The following CDH12 variants were observed in gnomAD, a reference collection of about 807,000 sequenced individuals.
The protein encoded by CDH12 is cadherin-12.
CDH12 carries 41 observed loss-of-function variants against 74.1 expected under a neutral mutation model. The ratio of observed to expected loss-of-function variants is 0.55; its 90% CI spans 0.43 to 0.72. The LOEUF is 0.72. CDH12 is among the 30% of genes least tolerant of loss of function. CDH12 has a pLI of 0.00. For synonymous variants in CDH12, 399 were observed against 355.0 expected (o/e 1.12, Z -1.39); for missense variants, 945 against 977.2 (o/e 0.97, Z 0.44).
chr5:22,625,665 G>T (rs1212472471), intron 1 of CDH12, among the ~76,000 whole-genome samples: 1 of 152,148 alleles, frequency 6.6e-6, no homozygotes, highest in African/African-American at 2.4e-5. Flanking sequence ...TCCTATCTGA[G>T]TGGCCCCCTG....
rs561606839 is a variant in CDH12, at chr5:22,511,175, G to A, written c.-522-5811C>T. ...CTCCCAAAGTGCTGGGATTAGAGGC[G>A]TGAGCCACCATGGCTGGCCAACATA... On this transcript the variant is annotated intron_variant, in intron 1 of 14. Coordinates refer to ENST00000382254, the MANE Select transcript of CDH12 (RefSeq NM_004061.5). Among the ~76,000 whole-genome samples, 20 of 152,218 alleles carry A rather than the reference G, an allele frequency of 1.3e-4. No individual in the cohort carries two copies. The South Asian group carries it at 2.5e-3, about 19-fold the overall frequency.
At chr5:21,811,708 G>GCTTT (rs1747753618) in intron 9 of CDH12, among the ~76,000 whole-genome samples, 2 of 20,710 alleles carry the variant, frequency 9.7e-5, no homozygotes, top group Admixed American at 7.2e-4. Flanking sequence ...TATAGGACAA[G>GCTTT]CTTTTTTTTT....
At chr5:22,231,246 AT>A (rs1416828228) in intron 3 of CDH12, among the ~76,000 whole-genome samples, 1 of 152,178 alleles carries the variant, frequency 6.6e-6, no homozygotes, top group African/African-American at 2.4e-5. Flanking sequence ...ATTATAACTT[AT>A]AAATTAGACA....
chr5:22,826,088 C>A (rs150212425), intron 1 of CDH12, among the ~76,000 whole-genome samples: 7 of 152,212 alleles, frequency 4.6e-5, no homozygotes, highest in Admixed American at 6.5e-5. Flanking sequence ...GAGTCCCCAC[C>A]CAAATCTTAT....
At chr5:22,818,985 C>A (rs1749532433) in intron 1 of CDH12, among the ~76,000 whole-genome samples, 2 of 152,034 alleles carry the variant, frequency 1.3e-5, no homozygotes, top group African/African-American at 2.4e-5. Context: ...AATTGTTTAT[C>A]ATCTATTTTT....
At chr5:22,067,892 C>T (rs981976861) in intron 5 of CDH12, among the ~76,000 whole-genome samples, 2 of 151,966 alleles carry the variant, frequency 1.3e-5, no homozygotes, top group African/African-American at 2.4e-5. Context: ...GCAGAAGAAT[C>T]GCTTGAACCC....
intron 1 of CDH12, among the ~76,000 whole-genome samples, chr5:22,635,826 A>T (rs1424107428): frequency 1.3e-5 from 2 of 152,074 alleles, no homozygotes; most frequent in African/African-American, 4.8e-5. Flanking sequence ...AGGCAGGAGA[A>T]CTGCTTGAAC....
chr5:22,848,132 T>C (rs149378280), intron 1 of CDH12, among the ~76,000 whole-genome samples: 9 of 152,296 alleles, frequency 5.9e-5, no homozygotes, highest in Middle Eastern at 6.8e-3. Context: ...TTTCCCTTCA[T>C]TATGTACTAA....
chr5:22,298,267 T>TAG (rs1240088252), intron 3 of CDH12, among the ~76,000 whole-genome samples: 54 of 151,800 alleles, frequency 3.6e-4, no homozygotes, highest in Non-Finnish European at 8.8e-5. Context: ...TATATATATA[T>TAG]AGCACTTATT....
intron 1 of CDH12, among the ~76,000 whole-genome samples, chr5:22,600,926 T>C (rs1410336941): frequency 2.6e-5 from 4 of 152,176 alleles, no homozygotes; most frequent in African/African-American, 9.6e-5. Flanking sequence ...TTTAATAAAA[T>C]AAAGCATGTA....
intron 1 of CDH12, among the ~76,000 whole-genome samples, chr5:22,641,865 G>A (rs1739170128): frequency 1.3e-5 from 2 of 152,048 alleles, no homozygotes; most frequent in Admixed American, 6.5e-5. Context: ...CTTGAATAAT[G>A]CCTAATAATG....
At chr5:22,814,207 A>G (rs1022974883) in intron 1 of CDH12, among the ~76,000 whole-genome samples, 3 of 152,204 alleles carry the variant, frequency 2.0e-5, no homozygotes, top group African/African-American at 7.2e-5. Context: ...CTTGGCCCAC[A>G]GAAAGTACCA....
At chr5:22,058,948 T>C (rs1394063914) in intron 5 of CDH12, among the ~76,000 whole-genome samples, 2 of 152,144 alleles carry the variant, frequency 1.3e-5, no homozygotes, top group Non-Finnish European at 2.9e-5. Flanking sequence ...GAATGCCTCT[T>C]CAATTATTTT....
At chr5:22,488,794 A>G (rs1290859700) in intron 2 of CDH12, among the ~76,000 whole-genome samples, 1 of 152,048 alleles carries the variant, frequency 6.6e-6, no homozygotes, top group African/African-American at 2.4e-5. Context: ...AAAGGTTTCC[A>G]TAAAGATTCA....
intron 1 of CDH12, among the ~76,000 whole-genome samples, chr5:22,751,694 T>C (rs936219698): frequency 6.6e-6 from 1 of 152,186 alleles, no homozygotes; most frequent in Admixed American, 6.5e-5. Flanking sequence ...ACGTGTTCAC[T>C]GATATTTCTG....
intron 3 of CDH12, among the ~76,000 whole-genome samples, chr5:22,276,768 C>A (rs74359068): frequency 6.6e-6 from 1 of 152,156 alleles, no homozygotes; most frequent in Non-Finnish European, 1.5e-5. Context: ...CTCACTGCAA[C>A]CTCCGCCTTC....
chr5:22,229,500 C>A (rs1207169182), intron 3 of CDH12, among the ~76,000 whole-genome samples: 1 of 149,036 alleles, frequency 6.7e-6, no homozygotes, highest in African/African-American at 2.5e-5. Context: ...TGAAAAGGCA[C>A]AAAAGTAAAT....
At chr5:22,690,661 G>A (rs1384507560) in intron 1 of CDH12, among the ~76,000 whole-genome samples, 1 of 152,082 alleles carries the variant, frequency 6.6e-6, no homozygotes, top group Non-Finnish European at 1.5e-5. Context: ...TAACCTTTTT[G>A]TAAGTTCAGG....
At chr5:21,877,261 G>A (rs996891304) in intron 6 of CDH12, among the ~76,000 whole-genome samples, 4 of 151,530 alleles carry the variant, frequency 2.6e-5, no homozygotes, top group Non-Finnish European at 5.9e-5. Flanking sequence ...GGTAAACTTC[G>A]TTCCATTTTA....
Sources: gnomAD v4.1 joint callset for allele counts (sites outside exome capture counted in the v4.1 genomes callset) on GRCh38, gnomAD v4.1.1 for gene constraint, MANE v1.5 for transcripts, NCBI Gene and HGNC (gene_info 2026-07-23, HGNC 2026-07-21) for gene names.